The following CUX1 variants were observed in gnomAD, a reference collection of about 807,000 sequenced individuals.
CUX1 encodes the protein cut like homeobox 1, also known as protein CASP.
A neutral mutation model predicts 158.8 loss-of-function variants in CUX1; 31 were observed. The ratio of observed to expected loss-of-function variants is 0.20; its 90% CI spans 0.15 to 0.26. The LOEUF (loss-of-function observed/expected upper bound fraction) is 0.26, where lower values mean the gene tolerates loss of function less well. Among genes scored for constraint, CUX1 ranks in the 10% least tolerant of loss-of-function variants. CUX1 has a pLI of 1.00. For missense variants in CUX1, 1,589 were observed against 2,014.6 expected (o/e 0.79, Z 4.04); for synonymous variants, 879 against 862.1 (o/e 1.02, Z -0.34).
chr7:102,227,787 T>C, intron 21 of CUX1, 118 bp downstream of exon 21: 9 of 1,014,932 alleles, frequency 8.9e-6, no homozygotes, highest in Non-Finnish European at 1.3e-5. Context: ...TAGGCACCCT[T>C]TGAGAACATG....
chr7:102,174,865 G>A (rs537761823), intron 10 of CUX1, among the ~76,000 whole-genome samples: 4 of 152,158 alleles, frequency 2.6e-5, no homozygotes, highest in Non-Finnish European at 4.4e-5. Context: ...CAGGAGAATC[G>A]CTTGAACCTG....
chr7:101,854,787 C>T (rs1259123579), intron 1 of CUX1, among the ~76,000 whole-genome samples: 1 of 152,218 alleles, frequency 6.6e-6, no homozygotes, highest in African/African-American at 2.4e-5. Flanking sequence ...CTCTATCACC[C>T]AGGCTGGAGT....
chr7:102,253,058 CTCCCTGGGGTAGA>C lies in CUX1; in HGVS notation c.*4022_*4034del. On this transcript the variant is annotated 3_prime_UTR_variant, in exon 24 of 24. Coordinates refer to ENST00000292535, the MANE Select transcript of CUX1 (RefSeq NM_181552.4). Reference sequence around the variant, plus strand: ...GAGGCAAAAGATACCAGTCGACAGCCTCCCTGGGGTAGATCCCTTGTACCTCCAAAGTACAAAT... The same window carrying C: ...GAGGCAAAAGATACCAGTCGACAGCCTCCCTTGTACCTCCAAAGTACAAAT... 4 of 985,484 alleles carry C rather than the reference CTCCCTGGGGTAGA, an allele frequency of 4.1e-6. No homozygotes were observed. Among genetic ancestry groups the C allele is most frequent in the Non-Finnish European group, 4.8e-6 (4 of 829,938 alleles). The allele number at this position is 985,484 out of a possible 1,614,324, so 61.0% of individuals were successfully genotyped here.
intron 1 of CUX1, among the ~76,000 whole-genome samples, chr7:101,883,750 C>T (rs778746809): frequency 2.2e-4 from 33 of 151,966 alleles, no homozygotes; most frequent in Non-Finnish European, 4.1e-4. Flanking sequence ...CGCCTGCTAC[C>T]ATACCTGGCT....
Position 102,249,124 on chromosome 7 carries a change from C to T in CUX1, c.*82C>T, listed in dbSNP as rs1387907961. 1.7e-5 allele frequency: 20 copies of T among 1,175,788 alleles called. No individual in the cohort carries two copies. The highest frequency in any genetic ancestry group is 3.3e-4 in the Middle Eastern group (1 of 2,994). 72.8% of individuals were successfully genotyped at this position (1,175,788 alleles called of 1,614,324 possible). On this transcript the variant is annotated 3_prime_UTR_variant, in exon 24 of 24. Coordinates refer to ENST00000292535, the MANE Select transcript of CUX1 (RefSeq NM_181552.4). ...CGGACGGGGCAGGCGCTGCGGACAC[C>T]GTGGCCTGGGCTTGGCCCGCGGCCT...
Position 102,252,386 on chromosome 7 carries a change from G to A in CUX1, c.*3344G>A, listed in dbSNP as rs1238471383. 1.3e-5 allele frequency: 13 copies of A among 985,358 alleles called. No homozygotes were observed. Among genetic ancestry groups the A allele is most frequent in the East Asian group, 2.3e-4 (2 of 8,830 alleles). 61.0% of individuals were successfully genotyped at this position (985,358 alleles called of 1,614,324 possible). The stretch of plus-strand genomic sequence containing the variant: ...CAAGCAGTGGCCCCCGCAGGCAGCC[G>A]ACCCCCTTCCTCTTCACGCTCTATG... On this transcript the variant is annotated 3_prime_UTR_variant, in exon 24 of 24. Transcript: ENST00000292535.
intron 14 of CUX1, 152 bp downstream of exon 14, chr7:102,195,755 T>C: frequency 1.5e-6 from 1 of 660,698 alleles, no homozygotes; most frequent in Non-Finnish European, 2.5e-6. Context: ...TTGGGTGCCC[T>C]CCTCCTCACC....
At chr7:102,156,171 G>A (rs1354811609) in intron 8 of CUX1, among the ~76,000 whole-genome samples, 6 of 152,196 alleles carry the variant, frequency 3.9e-5, no homozygotes, top group Non-Finnish European at 8.8e-5. Flanking sequence ...CCAGCCCAGG[G>A]GCCCGGAGAC....
intron 2 of CUX1, among the ~76,000 whole-genome samples, chr7:102,019,686 C>T (rs1431745628): frequency 6.6e-6 from 1 of 152,216 alleles, no homozygotes; most frequent in Non-Finnish European, 1.5e-5. Flanking sequence ...AAAGCCAGCC[C>T]TTCCCGTGGT....
At chr7:102,123,879 G>A (rs1419668189) in intron 8 of CUX1, among the ~76,000 whole-genome samples, 1 of 151,954 alleles carries the variant, frequency 6.6e-6, no homozygotes, top group Non-Finnish European at 1.5e-5. Context: ...ACCTAGGCGG[G>A]TCTTGAACTC....
intron 1 of CUX1, among the ~76,000 whole-genome samples, chr7:101,900,815 CTG>C (rs1802064962): frequency 6.6e-6 from 1 of 152,144 alleles, no homozygotes; most frequent in Admixed American, 6.5e-5. Flanking sequence ...TCACCTATAA[CTG>C]TGATAGCTTT....
At chr7:101,834,336 G>C (rs1324957145) in intron 1 of CUX1, among the ~76,000 whole-genome samples, 1 of 151,760 alleles carries the variant, frequency 6.6e-6, no homozygotes, top group African/African-American at 2.4e-5. Flanking sequence ...ACCACGCCCA[G>C]CTAATTTTTG....
chr7:102,262,700 G>A (rs1472352397), downstream of CUX1, among the ~76,000 whole-genome samples: 1 of 152,162 alleles, frequency 6.6e-6, no homozygotes, highest in South Asian at 2.1e-4. Flanking sequence ...TACATCAGAC[G>A]GATTGCAAAG....
chr7:101,933,625 G>A (rs570701518), intron 2 of CUX1, among the ~76,000 whole-genome samples: 1 of 152,094 alleles, frequency 6.6e-6, no homozygotes, highest in South Asian at 2.1e-4. Flanking sequence ...GTGTCATGTT[G>A]TATAGGAAAT....
At chr7:102,259,756 A>T (rs1265859259), downstream of CUX1, among the ~76,000 whole-genome samples, 2 of 22,580 alleles carry the variant, frequency 8.9e-5, no homozygotes, top group East Asian at 7.1e-3. Flanking sequence ...AAAAAAAAAA[A>T]AGAAAGAAAA....
chr7:101,960,211 C>G (rs1810305118), intron 2 of CUX1: 1 of 152,190 alleles, frequency 6.6e-6, no homozygotes, highest in African/African-American at 2.4e-5. Context: ...TTGTGTTTGT[C>G]TTGCCCGCTT....
intron 1 of CUX1, among the ~76,000 whole-genome samples, chr7:101,825,867 G>A (rs1243940196): frequency 6.6e-6 from 1 of 151,056 alleles, no homozygotes; most frequent in Non-Finnish European, 1.5e-5. Flanking sequence ...TCTAACACAC[G>A]AGCTGAGTGC....
intron 3 of CUX1, among the ~76,000 whole-genome samples, chr7:102,035,913 C>T (rs552433729): frequency 6.6e-6 from 1 of 152,144 alleles, no homozygotes; most frequent in Non-Finnish European, 1.5e-5. Context: ...GCTCTGTCAC[C>T]CAGGCTGGAA....
intron 11 of CUX1, 42 bp from the exon 12 acceptor site, chr7:102,189,771 T>A: frequency 6.2e-7 from 1 of 1,609,090 alleles, no homozygotes; most frequent in East Asian, 2.2e-5. Flanking sequence ...CGTCGACCTG[T>A]TGTCAGGCAT....
Sources: gnomAD v4.1 joint callset for allele counts (sites outside exome capture counted in the v4.1 genomes callset) on GRCh38, gnomAD v4.1.1 for gene constraint, MANE v1.5 for transcripts, NCBI Gene and HGNC (gene_info 2026-07-23, HGNC 2026-07-21) for gene names.